DIAPH2: variants seen among roughly 807,000 people sequenced by gnomAD.
The protein encoded by DIAPH2 is protein diaphanous homolog 2.
In DIAPH2, 35 loss-of-function variants were observed where a neutral mutation model predicts 92.7. That is an observed-to-expected ratio of 0.38 (90% confidence interval 0.29 to 0.50). DIAPH2 has a LOEUF of 0.50. Among genes scored for constraint, DIAPH2 ranks in the 20% least tolerant of loss-of-function variants. DIAPH2 has a pLI of 0.94. For synonymous variants in DIAPH2, 301 were observed against 280.4 expected, an observed-to-expected ratio of 1.07 and a Z score of -0.73; for missense variants, 701 against 819.5, an observed-to-expected ratio of 0.86 and a Z score of 1.77.
intron 17 of DIAPH2, among the ~76,000 whole-genome samples, chrX:96,973,628 G>A (rs1192623651): frequency 9.1e-6 from 1 of 110,454 alleles, no homozygotes; most frequent in African/African-American, 3.3e-5. Context: ...GTATATAGGG[G>A]GATGTGCATA....
intron 26 of DIAPH2, among the ~76,000 whole-genome samples, chrX:97,458,948 G>T (rs1433617949): frequency 9.0e-6 from 1 of 111,537 alleles, no homozygotes; most frequent in East Asian, 2.8e-4. Context: ...TGGTCATGGG[G>T]ATCTTGAAAA....
intron 21 of DIAPH2, among the ~76,000 whole-genome samples, chrX:97,129,580 A>G (rs772827423): frequency 8.9e-6 from 1 of 112,019 alleles, no homozygotes; most frequent in East Asian, 2.8e-4. Context: ...CTGGCAAAAA[A>G]TGTTAAATTC....
At chrX:97,005,821 G>A (rs2066177603) in intron 17 of DIAPH2, among the ~76,000 whole-genome samples, 1 of 110,949 alleles carries the variant, frequency 9.0e-6, no homozygotes, top group African/African-American at 3.3e-5. Context: ...TTACAGGCGT[G>A]AGCCACCACA....
At chrX:96,758,452 C>T (rs750139498) in intron 4 of DIAPH2, among the ~76,000 whole-genome samples, 194 bp downstream of exon 4, 119 of 111,597 alleles carry the variant, frequency 1.1e-3, no homozygotes, top group African/African-American at 3.6e-3. Flanking sequence ...AGAAATGGGA[C>T]GTTTCCATTA....
chrX:96,718,868 G>A lies in DIAPH2; in HGVS notation c.133-16890G>A, dbSNP rs773736077. Among the ~76,000 whole-genome samples, 12 of 111,340 alleles carry A rather than the reference G, an allele frequency of 1.1e-4. No individual in the cohort carries two copies. The South Asian group carries it at 3.5e-3, about 32-fold the overall frequency. On this transcript the variant is annotated intron_variant, in intron 1 of 26. Transcript: ENST00000324765. The stretch of plus-strand genomic sequence containing the variant: ...TTGAGAAACTGCTAAATTATTCTCC[G>A]TAGCGGTTGTACTGATTTACATTCC...
chrX:97,168,390 A>G (rs2067427844), intron 22 of DIAPH2, among the ~76,000 whole-genome samples: 1 of 111,290 alleles, frequency 9.0e-6, no homozygotes, highest in Non-Finnish European at 1.9e-5. Context: ...CCCAGCCTAT[A>G]TAGTCATTTT....
At chrX:97,546,501 G>A (rs2071182438) in intron 26 of DIAPH2, among the ~76,000 whole-genome samples, 1 of 111,129 alleles carries the variant, frequency 9.0e-6, no homozygotes, top group Non-Finnish European at 1.9e-5. Context: ...TCATGACGCT[G>A]CCAATAGAAG....
intron 5 of DIAPH2, among the ~76,000 whole-genome samples, chrX:96,903,133 GA>G (rs11371392): frequency 2.0e-5 from 2 of 99,039 alleles, no homozygotes; most frequent in African/African-American, 7.3e-5. Flanking sequence ...CTGTTACTGT[GA>G]AAAAAAAAAA....
chrX:97,309,124 G>A (rs1205350607), intron 23 of DIAPH2, among the ~76,000 whole-genome samples: 3 of 108,091 alleles, frequency 2.8e-5, no homozygotes, highest in Non-Finnish European at 5.8e-5. Context: ...TTTTTGAGAC[G>A]GAGTCTCGCT....
At chrX:96,918,730 A>T in intron 9 of DIAPH2, 113 bp downstream of exon 9, 1 of 479,378 alleles carries the variant, frequency 2.1e-6, no homozygotes. Context: ...TAAAACTAAA[A>T]TTTTTTCTGT....
At chrX:97,340,649 G>GT (rs1347976710) in intron 23 of DIAPH2, among the ~76,000 whole-genome samples, 34 of 102,252 alleles carry the variant, frequency 3.3e-4, no homozygotes, top group Middle Eastern at 5.0e-3. Context: ...TTGTTTTATT[G>GT]TTTTTTTTGT....
chrX:97,012,318 T>C (rs903874394), intron 17 of DIAPH2, among the ~76,000 whole-genome samples: 24 of 111,932 alleles, frequency 2.1e-4, no homozygotes, highest in African/African-American at 7.2e-4. Context: ...ACATGCATTC[T>C]CTGATTTAAT....
intron 16 of DIAPH2, among the ~76,000 whole-genome samples, chrX:96,963,050 G>A (rs772913068): frequency 3.6e-5 from 4 of 111,823 alleles, no homozygotes; most frequent in Non-Finnish European, 7.5e-5. Flanking sequence ...CAGTTTTTGC[G>A]TGTTTGGGAA....
rs1055904729 is a variant in DIAPH2 at position 96,939,884 on chromosome X, C to T, written c.1325+502C>T. On this transcript the variant is annotated intron_variant, in intron 12 of 26. Transcript: ENST00000324765. ...TTCACCGTGTTAGCCAGGATGGTCT[C>T]GATCTCCTGACCTCGTGATCCGCCC... Among the ~76,000 whole-genome samples the T allele has an allele frequency of 8.4e-5, 7 of 83,265 alleles. No homozygotes were observed. The East Asian group carries it at 9.3e-4, about 11-fold the overall frequency. 72.3% of individuals were successfully genotyped at this position (83,265 alleles called of 115,157 possible).
At chrX:97,567,534 C>A (rs1344174454) in intron 26 of DIAPH2, among the ~76,000 whole-genome samples, 1 of 111,556 alleles carries the variant, frequency 9.0e-6, no homozygotes, top group African/African-American at 3.3e-5. Context: ...AGATCTTTGC[C>A]TGGTACTCTA....
At position 97,185,453 on chromosome X, in the gene DIAPH2, G is replaced by A. The variant is rs79964338; in HGVS notation, c.2719+43659G>A. Among the ~76,000 whole-genome samples the A allele has an allele frequency of 8.5e-3, 76 of 8,891 alleles. 1 individual carries two copies. The highest frequency in any genetic ancestry group is 0.012 in the Non-Finnish European group (59 of 5,020). 7.7% of individuals were successfully genotyped at this position (8,891 alleles called of 115,157 possible). ...TATATATGTGTATATATATATGTGT[G>A]TGTATATATATATATATACACATAT... On this transcript the variant is annotated intron_variant, in intron 22 of 26. Transcript: ENST00000324765.
chrX:96,804,613 A>G (rs905764056), intron 4 of DIAPH2, among the ~76,000 whole-genome samples: 5 of 111,699 alleles, frequency 4.5e-5, no homozygotes, highest in Non-Finnish European at 9.4e-5. Flanking sequence ...CCAAACACCA[A>G]TCATTTTACA....
At chrX:96,735,688 T>G in intron 1 of DIAPH2, 70 bp from the exon 2 acceptor site, 1 of 594,607 alleles carries the variant, frequency 1.7e-6, no homozygotes. Context: ...TTAAATTATT[T>G]TATTGTTTGA....
chrX:96,693,959 C>G (rs780884151), intron 1 of DIAPH2, among the ~76,000 whole-genome samples: 1 of 112,315 alleles, frequency 8.9e-6, no homozygotes, highest in South Asian at 3.7e-4. Context: ...TGCTTGAACC[C>G]AGAAGGCAGA....
Sources: allele counts gnomAD v4.1 joint callset (sites outside exome capture counted in the v4.1 genomes callset), GRCh38; gene constraint gnomAD v4.1.1; transcripts MANE v1.5; gene names NCBI Gene and HGNC (gene_info 2026-07-23, HGNC 2026-07-21).